LRRC4C: variants seen among roughly 807,000 people sequenced by gnomAD.
LRRC4C encodes leucine rich repeat containing 4C, also known as leucine-rich repeat-containing protein 4C.
A neutral mutation model predicts 33.6 loss-of-function variants in LRRC4C; 5 were observed. That is an observed-to-expected ratio of 0.15 (90% CI 0.08 to 0.31). The LOEUF (loss-of-function observed/expected upper bound fraction) is 0.31. Among genes scored for constraint, LRRC4C ranks in the 10% least tolerant of loss-of-function variants. The probability of loss-of-function intolerance (pLI) is 1.00; values close to 1 mark genes in which losing one functional copy is unlikely to be tolerated. For synonymous variants in LRRC4C, 329 were observed against 302.0 expected (o/e 1.09, Z -0.93); for missense variants, 560 against 796.7 (o/e 0.70, Z 3.58).
chr11:40,785,233 C>T (rs560221103), intron 2 of LRRC4C, among the ~76,000 whole-genome samples: 7 of 152,210 alleles, frequency 4.6e-5, no homozygotes, highest in Admixed American at 1.3e-4. Flanking sequence ...TAATGTCAGG[C>T]GAGATTTATG....
intron 3 of LRRC4C, among the ~76,000 whole-genome samples, chr11:40,503,395 AT>A: frequency 6.6e-6 from 1 of 152,218 alleles, no homozygotes. Context: ...ATTACACTTT[AT>A]TTATATGCAG....
intron 3 of LRRC4C, among the ~76,000 whole-genome samples, chr11:40,502,302 C>T (rs1358769773): frequency 2.0e-5 from 3 of 152,186 alleles, no homozygotes; most frequent in Admixed American, 6.5e-5. Flanking sequence ...TCCAAAGTTG[C>T]TTCCATATTT....
intron 3 of LRRC4C, among the ~76,000 whole-genome samples, chr11:40,415,495 C>A (rs1950295089): frequency 6.6e-6 from 1 of 152,064 alleles, no homozygotes; most frequent in South Asian, 2.1e-4. Flanking sequence ...TGTGAGAGTT[C>A]AGTGAGACTA....
At chr11:40,573,478 C>T (rs978501172) in intron 3 of LRRC4C, among the ~76,000 whole-genome samples, 5 of 152,164 alleles carry the variant, frequency 3.3e-5, no homozygotes, top group Non-Finnish European at 7.3e-5. Context: ...CCTGTCTTCA[C>T]TTCATCAATC....
At chr11:40,504,385 G>A (rs1043824197) in intron 3 of LRRC4C, among the ~76,000 whole-genome samples, 1 of 152,018 alleles carries the variant, frequency 6.6e-6, no homozygotes, top group African/African-American at 2.4e-5. Context: ...ATATTCTGAT[G>A]GACAGACGGT....
intron 2 of LRRC4C, among the ~76,000 whole-genome samples, chr11:40,661,778 A>G (rs974494175): frequency 2.0e-5 from 3 of 152,206 alleles, no homozygotes; most frequent in African/African-American, 4.8e-5. Context: ...TATATGCTCT[A>G]TTGGGAAAGA....
chr11:40,578,944 C>T (rs959135348), intron 3 of LRRC4C, among the ~76,000 whole-genome samples: 33 of 152,164 alleles, frequency 2.2e-4, no homozygotes, highest in Admixed American at 9.2e-4. Context: ...TTGATTACCC[C>T]AAACCTATTG....
intron 1 of LRRC4C, among the ~76,000 whole-genome samples, chr11:41,425,453 G>A (rs762272958): frequency 2.0e-5 from 3 of 152,052 alleles, no homozygotes; most frequent in Non-Finnish European, 4.4e-5. Context: ...CTCTGGCTGA[G>A]TAAAGAAGTG....
intron 1 of LRRC4C, among the ~76,000 whole-genome samples, chr11:41,393,812 G>A (rs1565637329): frequency 6.6e-6 from 1 of 151,932 alleles, no homozygotes; most frequent in African/African-American, 2.4e-5. Context: ...ATTTGTAACA[G>A]CAACAGGGCA....
At chr11:40,284,553 C>T (rs546553265) in intron 4 of LRRC4C, among the ~76,000 whole-genome samples, 8 of 152,148 alleles carry the variant, frequency 5.3e-5, no homozygotes, top group East Asian at 1.9e-4. Flanking sequence ...AGAGGAAGAA[C>T]GAGTAATAGA....
intron 2 of LRRC4C, among the ~76,000 whole-genome samples, chr11:40,820,867 T>G (rs1164808998): frequency 2.6e-5 from 4 of 151,628 alleles, no homozygotes; most frequent in Admixed American, 2.6e-4. Flanking sequence ...GAGGAAGAAG[T>G]AAAATTGCAG....
chr11:40,471,834 TCTC>T (rs1952953676), intron 3 of LRRC4C, among the ~76,000 whole-genome samples: 1 of 152,074 alleles, frequency 6.6e-6, no homozygotes, highest in African/African-American at 2.4e-5. Context: ...TCTACAGAAC[TCTC>T]CACCACAAAT....
intron 4 of LRRC4C, among the ~76,000 whole-genome samples, chr11:40,279,074 G>A (rs747935262): frequency 3.3e-5 from 5 of 152,070 alleles, no homozygotes; most frequent in Non-Finnish European, 7.4e-5. Context: ...AGAAATATAG[G>A]GAAAACAGAG....
chr11:40,628,480 A>AAAAC (rs1963172833), intron 3 of LRRC4C, among the ~76,000 whole-genome samples: 2 of 150,940 alleles, frequency 1.3e-5, no homozygotes, highest in East Asian at 3.9e-4. Flanking sequence ...TCCATCTCAA[A>AAAAC]AAAACAAAAC....
chr11:40,196,729 C>G (rs968290508), intron 5 of LRRC4C, among the ~76,000 whole-genome samples: 8 of 152,166 alleles, frequency 5.3e-5, no homozygotes, highest in African/African-American at 1.9e-4. Flanking sequence ...GCTCTAAGTA[C>G]AGTGTCTGGC....
chr11:41,185,692 C>A (rs968745459), intron 1 of LRRC4C, among the ~76,000 whole-genome samples: 8 of 152,040 alleles, frequency 5.3e-5, no homozygotes, highest in Non-Finnish European at 1.0e-4. Flanking sequence ...CTTGTATTTG[C>A]TATCCTTATA....
chr11:40,806,527 T>A (rs1951258496), intron 2 of LRRC4C, among the ~76,000 whole-genome samples: 1 of 152,064 alleles, frequency 6.6e-6, no homozygotes, highest in Admixed American at 6.5e-5. Context: ...TCCACTATAA[T>A]CCACAAGAAT....
At position 41,350,958 on chromosome 11, in the gene LRRC4C, G is replaced by A. The variant is rs540250401; in HGVS notation, c.-496+108473C>T. Among the ~76,000 whole-genome samples the A allele has an allele frequency of 3.3e-5, 5 of 152,130 alleles. No homozygotes were observed. In the South Asian group the frequency reaches 6.2e-4, roughly 19 times the overall value. On this transcript the variant is annotated intron_variant, in intron 1 of 6. Coordinates refer to ENST00000528697, the MANE Select transcript of LRRC4C (RefSeq NM_001258419.2). ...ACACAAAAATATAGAGGCTGGGTGT[G>A]GTGGCTCATGCCTATAATCCCAGCA...
chr11:40,364,408 G>A (rs1052679112), intron 3 of LRRC4C, among the ~76,000 whole-genome samples: 4 of 152,042 alleles, frequency 2.6e-5, no homozygotes, highest in African/African-American at 9.7e-5. Context: ...CCCAAATTAA[G>A]CTTTTAAAGG....
Sources: gnomAD v4.1 joint callset for allele counts (sites outside exome capture counted in the v4.1 genomes callset) on GRCh38, gnomAD v4.1.1 for gene constraint, MANE v1.5 for transcripts, NCBI Gene and HGNC (gene_info 2026-07-23, HGNC 2026-07-21) for gene names.